The following JPH2 variants were observed in gnomAD, a reference collection of about 807,000 sequenced individuals.
JPH2 encodes the protein junctophilin-2.
JPH2 carries 38 observed loss-of-function variants against 55.9 expected under a neutral mutation model. The ratio of observed to expected loss-of-function variants is 0.68; its 90% confidence interval spans 0.52 to 0.89. The LOEUF (loss-of-function observed/expected upper bound fraction) is 0.89. Ranked by LOEUF, JPH2 falls within the 40% of genes least tolerant of loss-of-function variation. The pLI, the probability that JPH2 is intolerant of heterozygous loss-of-function variation, is 0.00. For synonymous variants in JPH2, 480 were observed against 472.4 expected, an observed-to-expected ratio of 1.02 and a Z score of -0.21; for missense variants, 964 against 1,037.6, an observed-to-expected ratio of 0.93 and a Z score of 0.97.
rs1265964551 is a variant in JPH2, at chr20:44,134,669, T to TAA, written c.1170-16047_1170-16046insTT. 9.0e-4 allele frequency among the ~76,000 whole-genome samples: 28 copies of TAA among 31,160 alleles called. 3 individuals are homozygous for TAA. Among genetic ancestry groups the TAA allele is most frequent in the African/African-American group, 2.7e-3 (19 of 7,066 alleles). 20.4% of individuals were successfully genotyped at this position (31,160 alleles called of 152,430 possible). On this transcript the variant is annotated intron_variant, in intron 2 of 5. Coordinates refer to ENST00000372980, the MANE Select transcript of JPH2 (RefSeq NM_020433.5). ...AATATTTATTATAAATATATATAAATATATATTTATAAATATTATAAATAT... is the reference window on the plus strand; with the variant it reads ...AATATTTATTATAAATATATATAAATAAATATATTTATAAATATTATAAATAT...
chr20:44,135,136 C>T (rs1053141821), intron 2 of JPH2, among the ~76,000 whole-genome samples: 2 of 151,400 alleles, frequency 1.3e-5, no homozygotes, highest in African/African-American at 2.4e-5. Flanking sequence ...ATGCTAACCC[C>T]GGATGTAAAC....
intron 2 of JPH2, among the ~76,000 whole-genome samples, chr20:44,141,882 T>C (rs1485062639): frequency 1.3e-5 from 2 of 152,216 alleles, no homozygotes; most frequent in South Asian, 2.1e-4. Context: ...CCAGGACCCA[T>C]GGGTAGAAAC....
intron 1 of JPH2, among the ~76,000 whole-genome samples, chr20:44,185,699 A>ATGGG (rs1399724841): frequency 6.7e-6 from 1 of 149,888 alleles, no homozygotes; most frequent in African/African-American, 2.4e-5. Context: ...GGATGGATGG[A>ATGGG]TGGATGGAAA....
chr20:44,117,225 G>A (rs2072199500), intron 3 of JPH2, among the ~76,000 whole-genome samples: 1 of 152,228 alleles, frequency 6.6e-6, no homozygotes, highest in South Asian at 2.1e-4. Context: ...GTTGCAGTGA[G>A]CTGAGATCGC....
intron 1 of JPH2, chr20:44,177,497 T>C: frequency 2.9e-6 from 3 of 1,024,284 alleles, no homozygotes; most frequent in South Asian, 7.5e-5. Flanking sequence ...GAAAGACTAA[T>C]ACGGTCCGCT....
intron 2 of JPH2, among the ~76,000 whole-genome samples, chr20:44,136,800 A>G (rs2072416519): frequency 6.6e-6 from 1 of 152,182 alleles, no homozygotes; most frequent in Admixed American, 6.5e-5. Context: ...CATCTGTAAA[A>G]TGGGTTACTA....
intron 1 of JPH2, among the ~76,000 whole-genome samples, chr20:44,164,399 A>C (rs1054428056): frequency 6.6e-6 from 1 of 152,184 alleles, no homozygotes; most frequent in African/African-American, 2.4e-5. Flanking sequence ...AAAATGGAAA[A>C]GTAATACCCA....
At chr20:44,116,776 C>T (rs528570691) in intron 3 of JPH2, among the ~76,000 whole-genome samples, 1 of 152,290 alleles carries the variant, frequency 6.6e-6, no homozygotes, top group Non-Finnish European at 1.5e-5. Context: ...TTTATAAATA[C>T]GAATGGAAGG....
chr20:44,152,035 C>A (rs1264913286), intron 2 of JPH2, among the ~76,000 whole-genome samples: 1 of 152,212 alleles, frequency 6.6e-6, no homozygotes, highest in Non-Finnish European at 1.5e-5. Context: ...CATCTCCTTC[C>A]TCCCTCTCCA....
chr20:44,170,496 CAG>C (rs1367231028), intron 1 of JPH2, among the ~76,000 whole-genome samples: 3 of 152,290 alleles, frequency 2.0e-5, no homozygotes, highest in Admixed American at 6.5e-5. Flanking sequence ...GAGTGAGCAT[CAG>C]AGAGTCCAGG....
rs146935139 is a variant in JPH2, at chr20:44,172,577, C to T, written c.380-12170G>A. Among the ~76,000 whole-genome samples, 592 of 152,334 alleles carry T rather than the reference C, an allele frequency of 3.9e-3. 1 individual carries two copies. The highest frequency in any genetic ancestry group is 0.014 in the African/African-American group (574 of 41,576). On this transcript the variant is annotated intron_variant, in intron 1 of 5. Coordinates refer to ENST00000372980, the MANE Select transcript of JPH2 (RefSeq NM_020433.5). ...GCACAATCACAGCTCATTGCAGCCT[C>T]AACCTCCTGGGCTAAAGTGATCCTC...
At chr20:44,134,676 T>A (rs1296759781) in intron 2 of JPH2, among the ~76,000 whole-genome samples, 2 of 34,048 alleles carry the variant, frequency 5.9e-5, no homozygotes, top group African/African-American at 2.7e-4. Context: ...AAATATATAT[T>A]TATAAATATT....
intron 2 of JPH2, among the ~76,000 whole-genome samples, chr20:44,135,145 A>C (rs2145858499): frequency 6.6e-6 from 1 of 151,468 alleles, no homozygotes; most frequent in Non-Finnish European, 1.5e-5. Context: ...CCGGATGTAA[A>C]CGTTCCTTCT....
rs184706033 is a variant in JPH2, at chr20:44,146,993, T to G, written c.1169+12625A>C. Among the ~76,000 whole-genome samples the G allele has an allele frequency of 7.2e-4, 109 of 152,242 alleles. 2 individuals carry two copies. Among genetic ancestry groups the G allele is most frequent in the Non-Finnish European group, 2.6e-4 (18 of 68,028 alleles). On this transcript the variant is annotated intron_variant, in intron 2 of 5. Transcript: ENST00000372980. ...CATAAAGTGTCATCTGCATCTCCTT[T>G]GCAATTATTATTCTTTAAATATTTG...
At chr20:44,128,558 A>G (rs2072293198) in intron 2 of JPH2, among the ~76,000 whole-genome samples, 1 of 151,910 alleles carries the variant, frequency 6.6e-6, no homozygotes, top group Non-Finnish European at 1.5e-5. Context: ...TTATTTTTAT[A>G]TTATAAATAT....
At chr20:44,162,767 TATATATATATATATATATATAC>T (rs1377402012) in intron 1 of JPH2, among the ~76,000 whole-genome samples, 4 of 75,344 alleles carry the variant, frequency 5.3e-5, no homozygotes, top group African/African-American at 1.7e-4. Flanking sequence ...TATATATATA[TATATATATATATATATATATAC>T]ACACACACAC....
chr20:44,140,552 T>A (rs2072448577), intron 2 of JPH2, among the ~76,000 whole-genome samples: 1 of 152,090 alleles, frequency 6.6e-6, no homozygotes, highest in African/African-American at 2.4e-5. Flanking sequence ...TCAGCAGCAA[T>A]GCAATAGGTC....
chr20:44,140,172 A>G (rs901252272), intron 2 of JPH2, among the ~76,000 whole-genome samples: 14 of 151,986 alleles, frequency 9.2e-5, no homozygotes, highest in Non-Finnish European at 2.1e-4. Flanking sequence ...CGCCTGGCCG[A>G]GATTTTATTT....
rs528321034 is a variant in JPH2 at position 44,129,772 on chromosome 20, G to A, written c.1170-11149C>T. On this transcript the variant is annotated intron_variant, in intron 2 of 5. Transcript: ENST00000372980. ...TAGATCATCCTGGATTAGACAGGAAGGCCCTAAATGTAACCACAGGTGTCC... is the reference window on the plus strand; with the variant it reads ...TAGATCATCCTGGATTAGACAGGAAAGCCCTAAATGTAACCACAGGTGTCC... 1.1e-4 allele frequency among the ~76,000 whole-genome samples: 17 copies of A among 152,246 alleles called. No homozygotes were observed. In the South Asian group the frequency reaches 2.1e-3, roughly 19 times the overall value.
Sources: gnomAD v4.1 joint callset for allele counts (sites outside exome capture counted in the v4.1 genomes callset) on GRCh38, gnomAD v4.1.1 for gene constraint, MANE v1.5 for transcripts, NCBI Gene and HGNC (gene_info 2026-07-23, HGNC 2026-07-21) for gene names.